TSHZ2: variants seen among roughly 807,000 people sequenced by gnomAD.
TSHZ2 encodes teashirt zinc finger homeobox 2.
TSHZ2 carries 21 observed loss-of-function variants against 74.4 expected under a neutral mutation model. The observed-to-expected ratio is 0.28, with a 90% CI of 0.20 to 0.41. The LOEUF is 0.41. Among genes scored for constraint, TSHZ2 ranks in the 10% least tolerant of loss-of-function variants. The probability of loss-of-function intolerance (pLI) is 1.00; values close to 1 mark genes in which losing one functional copy is unlikely to be tolerated. For synonymous variants in TSHZ2, 540 were observed against 515.3 expected (o/e 1.05, Z -0.65); for missense variants, 1,244 against 1,293.5 (o/e 0.96, Z 0.59).
chr20:53,017,101 T>C (rs1173626153), intron 1 of TSHZ2, among the ~76,000 whole-genome samples: 3 of 152,184 alleles, frequency 2.0e-5, no homozygotes, highest in East Asian at 1.9e-4. Flanking sequence ...CCCCAACAAT[T>C]GACACCATTA....
intron 2 of TSHZ2, among the ~76,000 whole-genome samples, chr20:53,435,490 C>T (rs1984015689): frequency 1.3e-5 from 2 of 152,140 alleles, no homozygotes; most frequent in African/African-American, 2.4e-5. Flanking sequence ...GGCATTATAG[C>T]ATGGTAACAG....
chr20:53,132,090 C>T (rs1987119202), intron 1 of TSHZ2, among the ~76,000 whole-genome samples: 1 of 152,002 alleles, frequency 6.6e-6, no homozygotes, highest in Non-Finnish European at 1.5e-5. Flanking sequence ...CCTTGTATCA[C>T]CTCTTTGAAA....
intron 2 of TSHZ2, among the ~76,000 whole-genome samples, chr20:53,308,765 C>T (rs993271633): frequency 5.3e-5 from 8 of 152,202 alleles, no homozygotes; most frequent in Non-Finnish European, 1.0e-4. Flanking sequence ...TTCGACATTA[C>T]TGTTTCTCTT....
intron 2 of TSHZ2, among the ~76,000 whole-genome samples, chr20:53,356,000 A>C (rs1192838069): frequency 6.6e-6 from 1 of 152,174 alleles, no homozygotes; most frequent in East Asian, 1.9e-4. Context: ...GAGTATGTTG[A>C]GCAAAGTTTA....
chr20:53,140,795 C>T (rs1987378446), intron 1 of TSHZ2, among the ~76,000 whole-genome samples: 1 of 152,148 alleles, frequency 6.6e-6, no homozygotes, highest in Non-Finnish European at 1.5e-5. Context: ...CTGTGCATCA[C>T]TCTGGGAAGA....
chr20:53,434,871 G>C (rs1313882960), intron 2 of TSHZ2, among the ~76,000 whole-genome samples: 1 of 152,266 alleles, frequency 6.6e-6, no homozygotes, highest in African/African-American at 2.4e-5. Flanking sequence ...CACAGCTGCT[G>C]AGCGTGTGCT....
At chr20:53,108,720 C>A (rs1412122825) in intron 1 of TSHZ2, among the ~76,000 whole-genome samples, 2 of 152,128 alleles carry the variant, frequency 1.3e-5, no homozygotes, top group Non-Finnish European at 2.9e-5. Context: ...TCCTCAATAT[C>A]CAAGACCTGT....
At chr20:52,979,321 C>A (rs1320414743) in intron 1 of TSHZ2, among the ~76,000 whole-genome samples, 1 of 152,108 alleles carries the variant, frequency 6.6e-6, no homozygotes, top group African/African-American at 2.4e-5. Flanking sequence ...TTAGAGACTT[C>A]AGAGCCCAAC....
chr20:53,282,673 G>C (rs990401861), intron 2 of TSHZ2, among the ~76,000 whole-genome samples: 10 of 152,160 alleles, frequency 6.6e-5, no homozygotes, highest in African/African-American at 1.9e-4. Context: ...ATTTAAGGCC[G>C]GTTCTGACAC....
intron 1 of TSHZ2, among the ~76,000 whole-genome samples, chr20:53,143,535 T>TA (rs1476153028): frequency 6.6e-6 from 1 of 151,834 alleles, no homozygotes; most frequent in Non-Finnish European, 1.5e-5. Context: ...CTACTAAAAA[T>TA]ACAAAAATTA....
chr20:53,104,930 C>T (rs760896540), intron 1 of TSHZ2, among the ~76,000 whole-genome samples: 12 of 152,154 alleles, frequency 7.9e-5, no homozygotes, highest in Non-Finnish European at 1.8e-4. Context: ...GGAGAGTTTT[C>T]TTCTAGGAGA....
intron 1 of TSHZ2, among the ~76,000 whole-genome samples, chr20:53,184,796 C>T (rs977656948): frequency 1.3e-5 from 2 of 152,212 alleles, no homozygotes. Flanking sequence ...GCATCCTCTG[C>T]CTCCCGAGTT....
intron 1 of TSHZ2, among the ~76,000 whole-genome samples, chr20:53,127,346 G>A (rs1461014079): frequency 6.6e-6 from 1 of 152,156 alleles, no homozygotes; most frequent in Non-Finnish European, 1.5e-5. Context: ...TTCAAGATAG[G>A]GCTAAGTATT....
chr20:53,443,344 C>T (rs115472597), intron 2 of TSHZ2, among the ~76,000 whole-genome samples: 432 of 152,188 alleles, frequency 2.8e-3, no homozygotes, highest in African/African-American at 1.0e-2. Flanking sequence ...TGGGAAGTAC[C>T]GTTTTAATGT....
At chr20:53,213,752 G>C (rs1989369970) in intron 1 of TSHZ2, among the ~76,000 whole-genome samples, 1 of 150,504 alleles carries the variant, frequency 6.6e-6, no homozygotes. Context: ...CAACTTCATG[G>C]TTGCTCTTCA....
intron 1 of TSHZ2, among the ~76,000 whole-genome samples, chr20:53,033,915 C>G (rs183529546): frequency 6.6e-6 from 1 of 152,164 alleles, no homozygotes; most frequent in African/African-American, 2.4e-5. Flanking sequence ...CCACCTTGGC[C>G]TCCTAAAGTG....
chr20:53,116,457 C>G (rs752707966), intron 1 of TSHZ2, among the ~76,000 whole-genome samples: 2 of 152,172 alleles, frequency 1.3e-5, no homozygotes, highest in East Asian at 3.8e-4. Flanking sequence ...CTCGCTCATT[C>G]TCTCTCAGCT....
At chr20:53,038,896 G>GTTTTTTTTTTTTTTTTTT (rs374364980) in intron 1 of TSHZ2, among the ~76,000 whole-genome samples, 1 of 140,422 alleles carries the variant, frequency 7.1e-6, no homozygotes, top group African/African-American at 3.0e-5. Context: ...TTGTTTGTTT[G>GTTTTTTTTTTTTTTTTTT]TTTGTTTGTT....
At chr20:53,324,974 T>C (rs1211695091) in intron 2 of TSHZ2, among the ~76,000 whole-genome samples, 1 of 152,310 alleles carries the variant, frequency 6.6e-6, no homozygotes, top group African/African-American at 2.4e-5. Flanking sequence ...AATGCAGGTC[T>C]AGCCACCGCC....
Sources: gnomAD v4.1 joint callset for allele counts (sites outside exome capture counted in the v4.1 genomes callset) on GRCh38, gnomAD v4.1.1 for gene constraint, MANE v1.5 for transcripts, NCBI Gene and HGNC (gene_info 2026-07-23, HGNC 2026-07-21) for gene names.